The following GRID2 variants were observed in gnomAD, a reference collection of about 807,000 sequenced individuals.
The protein encoded by GRID2 is glutamate ionotropic receptor delta type subunit 2, also known as glutamate receptor ionotropic, delta-2.
A neutral mutation model predicts 114.8 loss-of-function variants in GRID2; 33 were observed. The observed-to-expected ratio is 0.29, with a 90% CI of 0.22 to 0.38. The LOEUF (loss-of-function observed/expected upper bound fraction) is 0.38, where lower values mean the gene tolerates loss of function less well. Among genes scored for constraint, GRID2 ranks in the 10% least tolerant of loss-of-function variants. The pLI is 1.00. For synonymous variants in GRID2, 505 were observed against 449.9 expected, an observed-to-expected ratio of 1.12 and a Z score of -1.55; for missense variants, 1,184 against 1,257.7, an observed-to-expected ratio of 0.94 and a Z score of 0.89.
intron 14 of GRID2, among the ~76,000 whole-genome samples, chr4:93,676,357 T>A (rs531588573): frequency 4.6e-5 from 7 of 152,316 alleles, no homozygotes; most frequent in Non-Finnish European, 1.0e-4. Flanking sequence ...AGCAATGATC[T>A]TTCTAAAAAT....
At chr4:93,087,883 G>C (rs982070197) in intron 3 of GRID2, among the ~76,000 whole-genome samples, 2 of 151,986 alleles carry the variant, frequency 1.3e-5, no homozygotes, top group Admixed American at 6.6e-5. Flanking sequence ...AGGGCTACTT[G>C]TATTTACTTA....
At chr4:92,404,281 G>T (rs1055251719) in intron 1 of GRID2, among the ~76,000 whole-genome samples, 5 of 152,052 alleles carry the variant, frequency 3.3e-5, no homozygotes, top group African/African-American at 9.7e-5. Context: ...TGAAGATAGA[G>T]TTAAGAGAAA....
At chr4:93,129,938 A>G (rs762885381) in intron 4 of GRID2, among the ~76,000 whole-genome samples, 15 of 152,194 alleles carry the variant, frequency 9.9e-5, no homozygotes, top group Non-Finnish European at 2.1e-4. Context: ...GTCAGGCCCC[A>G]AATGTCCAGG....
At chr4:92,500,043 G>A (rs184156110) in intron 1 of GRID2, among the ~76,000 whole-genome samples, 1 of 152,228 alleles carries the variant, frequency 6.6e-6, no homozygotes, top group African/African-American at 2.4e-5. Flanking sequence ...TATTATTGTG[G>A]TTGAAAAGTT....
chr4:92,641,045 A>T (rs550018303), intron 2 of GRID2, among the ~76,000 whole-genome samples: 1 of 151,660 alleles, frequency 6.6e-6, no homozygotes, highest in Non-Finnish European at 1.5e-5. Flanking sequence ...GAAAGAAAAA[A>T]CTTGTCAAAT....
chr4:92,940,251 A>G (rs1182080650), intron 2 of GRID2, among the ~76,000 whole-genome samples: 3 of 146,340 alleles, frequency 2.1e-5, no homozygotes, highest in Non-Finnish European at 4.5e-5. Flanking sequence ...TTGAGCAGTG[A>G]TTTGTAGTTT....
intron 8 of GRID2, among the ~76,000 whole-genome samples, chr4:93,272,129 T>C (rs1014320066): frequency 3.9e-5 from 6 of 152,112 alleles, no homozygotes; most frequent in Non-Finnish European, 8.8e-5. Flanking sequence ...CTGAAAGCTG[T>C]TTTCATTAAT....
At chr4:92,478,526 T>C (rs1490301416) in intron 1 of GRID2, among the ~76,000 whole-genome samples, 1 of 152,150 alleles carries the variant, frequency 6.6e-6, no homozygotes, top group Non-Finnish European at 1.5e-5. Flanking sequence ...ACTGTGAAGC[T>C]GTATGCTCAT....
At chr4:93,223,304 T>C (rs1187208668) in intron 6 of GRID2, among the ~76,000 whole-genome samples, 1 of 152,150 alleles carries the variant, frequency 6.6e-6, no homozygotes, top group Non-Finnish European at 1.5e-5. Flanking sequence ...ACGTAATGCA[T>C]TGAGTGTTCA....
intron 2 of GRID2, among the ~76,000 whole-genome samples, chr4:92,771,531 A>T (rs1034758327): frequency 6.6e-6 from 1 of 152,154 alleles, no homozygotes; most frequent in African/African-American, 2.4e-5. Flanking sequence ...TGTAAGTTTT[A>T]AAAAATAAAG....
At chr4:92,848,582 C>T (rs897685019) in intron 2 of GRID2, among the ~76,000 whole-genome samples, 1 of 151,774 alleles carries the variant, frequency 6.6e-6, no homozygotes, top group Non-Finnish European at 1.5e-5. Flanking sequence ...CTTGGAGTGG[C>T]CTTTGATTGT....
intron 2 of GRID2, among the ~76,000 whole-genome samples, chr4:92,663,897 G>A (rs896725292): frequency 2.6e-5 from 4 of 151,144 alleles, no homozygotes. Flanking sequence ...TGCATGATTT[G>A]TCCTGTTGTG....
intron 4 of GRID2, among the ~76,000 whole-genome samples, chr4:93,170,125 C>T (rs776992384): frequency 1.8e-4 from 28 of 152,120 alleles, no homozygotes; most frequent in Middle Eastern, 3.2e-3. Flanking sequence ...TCCTGTCACC[C>T]AGACTGGAGT....
chr4:93,060,814 T>G (rs1191167785), intron 2 of GRID2, among the ~76,000 whole-genome samples: 1 of 152,126 alleles, frequency 6.6e-6, no homozygotes, highest in Non-Finnish European at 1.5e-5. Flanking sequence ...AATAAAATGC[T>G]ATTAAAGGCT....
At chr4:92,751,978 C>A (rs575784876) in intron 2 of GRID2, among the ~76,000 whole-genome samples, 3 of 152,070 alleles carry the variant, frequency 2.0e-5, no homozygotes, top group Non-Finnish European at 4.4e-5. Flanking sequence ...TGTCGGTGAC[C>A]TTGTAGTGAA....
At chr4:92,593,990 A>C (rs1728832081) in intron 2 of GRID2, among the ~76,000 whole-genome samples, 1 of 151,602 alleles carries the variant, frequency 6.6e-6, no homozygotes, top group African/African-American at 2.4e-5. Flanking sequence ...GTGGAAAATT[A>C]TATAAATCTG....
intron 1 of GRID2, among the ~76,000 whole-genome samples, chr4:92,390,980 G>C (rs556829962): frequency 9.9e-5 from 15 of 152,226 alleles, no homozygotes; most frequent in African/African-American, 3.6e-4. Context: ...TCAAACCAGA[G>C]ATTATTGGAT....
chr4:92,952,157 C>T (rs1489344706), intron 2 of GRID2, among the ~76,000 whole-genome samples: 3 of 152,218 alleles, frequency 2.0e-5, no homozygotes, highest in South Asian at 2.1e-4. Context: ...GGACTTAGCC[C>T]GGTGATATTT....
At chr4:93,782,054 G>A (rs899301327) in intron 1 of GRID2, among the ~76,000 whole-genome samples, 26 of 152,284 alleles carry the variant, frequency 1.7e-4, no homozygotes, top group African/African-American at 4.8e-4. Context: ...CTTCAAAATA[G>A]TACAGAAGAA....
Sources: allele counts gnomAD v4.1 joint callset (sites outside exome capture counted in the v4.1 genomes callset), GRCh38; gene constraint gnomAD v4.1.1; transcripts MANE v1.5; gene names NCBI Gene and HGNC (gene_info 2026-07-23, HGNC 2026-07-21).